The following BBS9 variants were observed in gnomAD, a reference collection of about 807,000 sequenced individuals.
BBS9 encodes Bardet-Biedl syndrome 9, also known as protein PTHB1.
A neutral mutation model predicts 117.7 loss-of-function variants in BBS9; 89 were observed. The ratio of observed to expected loss-of-function variants is 0.76; its 90% CI spans 0.64 to 0.90. BBS9 has a LOEUF of 0.90. BBS9 is among the 40% of genes least tolerant of loss of function. The pLI, the probability that BBS9 is intolerant of heterozygous loss-of-function variation, is 0.00. For missense variants in BBS9, 982 were observed against 1,042.2 expected (o/e 0.94, Z 0.80); for synonymous variants, 379 against 370.9 (o/e 1.02, Z -0.25).
rs555609971 is a variant in BBS9, at chr7:33,468,731, G to A, written c.2116-36732G>A. Among the ~76,000 whole-genome samples, 3 of 152,124 alleles carry A rather than the reference G, an allele frequency of 2.0e-5. No homozygotes were observed. The South Asian group carries it at 6.2e-4, about 32-fold the overall frequency. On this transcript the variant is annotated intron_variant, in intron 19 of 22. Coordinates refer to ENST00000242067, the MANE Select transcript of BBS9 (RefSeq NM_198428.3). ...TACCTCCATCAGATCAACTTTTTTA[G>A]TTCCCACATATGAATGAGAACATGC...
chr7:33,367,667 G>T, intron 16 of BBS9, 100 bp from the exon 17 acceptor site: 2 of 900,556 alleles, frequency 2.2e-6, no homozygotes, highest in Non-Finnish European at 3.7e-6. Flanking sequence ...TACATGACTA[G>T]TGACATAAAA....
intron 19 of BBS9, among the ~76,000 whole-genome samples, chr7:33,475,602 C>T (rs994339555): frequency 2.7e-5 from 4 of 149,976 alleles, no homozygotes; most frequent in Non-Finnish European, 5.9e-5. Context: ...TCTAGTATGA[C>T]GAGAAAAAAA....
intron 9 of BBS9, among the ~76,000 whole-genome samples, chr7:33,278,178 C>A (rs1467078436): frequency 6.6e-6 from 1 of 152,194 alleles, no homozygotes; most frequent in Non-Finnish European, 1.5e-5. Context: ...GCCTGTTTCA[C>A]TTTCGCCCTT....
At chr7:33,310,149 C>T (rs1808910134) in intron 9 of BBS9, among the ~76,000 whole-genome samples, 1 of 152,216 alleles carries the variant, frequency 6.6e-6, no homozygotes, top group African/African-American at 2.4e-5. Context: ...ATTCAGCCCT[C>T]CTCCTACAGT....
At chr7:33,571,217 G>A (rs1012125099) in intron 21 of BBS9, among the ~76,000 whole-genome samples, 9 of 152,050 alleles carry the variant, frequency 5.9e-5, no homozygotes, top group African/African-American at 2.2e-4. Flanking sequence ...ATGCTCTATG[G>A]TCTCTTCCTA....
At chr7:33,439,547 TG>T (rs397730274) in intron 19 of BBS9, among the ~76,000 whole-genome samples, 5 of 149,064 alleles carry the variant, frequency 3.4e-5, no homozygotes, top group Admixed American at 6.6e-5. Context: ...TTTTTTTTTT[TG>T]GGATGGAGCC....
At chr7:33,205,042 C>A (rs1002800916) in intron 5 of BBS9, among the ~76,000 whole-genome samples, 1 of 152,124 alleles carries the variant, frequency 6.6e-6, no homozygotes, top group Non-Finnish European at 1.5e-5. Context: ...AAGAGGCAGC[C>A]CAATGAATCC....
intron 9 of BBS9, among the ~76,000 whole-genome samples, chr7:33,307,945 A>T (rs375917219): frequency 3.9e-5 from 6 of 152,326 alleles, no homozygotes; most frequent in African/African-American, 4.8e-5. Flanking sequence ...CAGTTCTAAC[A>T]CAAACCAATT....
At position 33,273,170 on chromosome 7, in the gene BBS9, A is replaced by C. The variant is rs201383240; in HGVS notation, c.861A>C (p.Pro287=). Residue 287 remains proline, a synonymous_variant, in exon 8 of 23, where the codon CCA becomes CCC. Transcript: ENST00000242067. ...TCATGAAGAAGCTTGATTGGAGCCC[A>C]AGTTGTTTTCTGCCATATTGCTCAG... The part of the protein sequence containing the change: ...IRFMKKLDWS[P]SCFLPYCSVS... 4.6e-5 allele frequency: 74 copies of C among 1,613,756 alleles called. No homozygotes were observed. Among genetic ancestry groups the C allele is most frequent in the Non-Finnish European group, 6.3e-5 (74 of 1,179,786 alleles).
At chr7:33,212,564 T>C (rs866027188) in intron 5 of BBS9, among the ~76,000 whole-genome samples, 15 of 152,286 alleles carry the variant, frequency 9.8e-5, no homozygotes, top group African/African-American at 3.4e-4. Context: ...CCTTATTTAG[T>C]TTGTTTGGTG....
intron 21 of BBS9, among the ~76,000 whole-genome samples, chr7:33,619,548 G>C (rs1016796312): frequency 3.3e-5 from 5 of 152,026 alleles, no homozygotes; most frequent in African/African-American, 1.2e-4. Flanking sequence ...AACAGCAGCA[G>C]AACGCATGAT....
chr7:33,589,497 T>C (rs1182781027), intron 21 of BBS9, among the ~76,000 whole-genome samples: 3 of 152,064 alleles, frequency 2.0e-5, no homozygotes, highest in Non-Finnish European at 4.4e-5. Context: ...TGTACCAAAG[T>C]GGTAGTAGTG....
At chr7:33,258,688 CA>C (rs1238414295) in intron 6 of BBS9, among the ~76,000 whole-genome samples, 2 of 152,262 alleles carry the variant, frequency 1.3e-5, no homozygotes, top group African/African-American at 4.8e-5. Context: ...TTTAGCTTTC[CA>C]CCCAGCTCTG....
chr7:33,270,871 G>T (rs1490351499), intron 7 of BBS9, among the ~76,000 whole-genome samples: 1 of 152,060 alleles, frequency 6.6e-6, no homozygotes, highest in African/African-American at 2.4e-5. Context: ...ACCCCTGCAA[G>T]ATACTATACA....
intron 16 of BBS9, 41 bp from the exon 17 acceptor site, chr7:33,367,726 C>T: frequency 6.4e-7 from 1 of 1,570,668 alleles, no homozygotes; most frequent in South Asian, 1.1e-5. Flanking sequence ...GTTCATTTTG[C>T]CTTCTGGTTA....
intron 7 of BBS9, among the ~76,000 whole-genome samples, chr7:33,268,189 T>C (rs1799138101): frequency 6.6e-6 from 1 of 152,226 alleles, no homozygotes; most frequent in Non-Finnish European, 1.5e-5. Flanking sequence ...CTCTAATCTT[T>C]TTTGGGTGGT....
intron 19 of BBS9, among the ~76,000 whole-genome samples, chr7:33,398,902 T>A (rs1452226971): frequency 6.6e-6 from 1 of 152,146 alleles, no homozygotes; most frequent in African/African-American, 2.4e-5. Flanking sequence ...GCCAGGCAGG[T>A]CACAAACTCA....
intron 5 of BBS9, among the ~76,000 whole-genome samples, chr7:33,219,887 C>T (rs186048695): frequency 6.6e-6 from 1 of 152,194 alleles, no homozygotes; most frequent in African/African-American, 2.4e-5. Flanking sequence ...ACTGCTCACT[C>T]TTTGGGTCCA....
At chr7:33,578,120 AT>A (rs1168503029) in intron 21 of BBS9, among the ~76,000 whole-genome samples, 3 of 152,096 alleles carry the variant, frequency 2.0e-5, no homozygotes, top group Non-Finnish European at 2.9e-5. Flanking sequence ...CTATCACTTT[AT>A]TTTTTTATTT....
Sources: allele counts gnomAD v4.1 joint callset (sites outside exome capture counted in the v4.1 genomes callset), GRCh38; gene constraint gnomAD v4.1.1; transcripts MANE v1.5; gene names NCBI Gene and HGNC (gene_info 2026-07-23, HGNC 2026-07-21).